The following TMEM217 variants were observed in gnomAD, a reference collection of about 807,000 sequenced individuals.
TMEM217 encodes chromosome 6 open reading frame 128.
For synonymous variants in TMEM217, 76 were observed against 88.3 expected, an observed-to-expected ratio of 0.86 and a Z score of 0.78; for missense variants, 204 against 248.8, an observed-to-expected ratio of 0.82 and a Z score of 1.21.
At chr6:37,239,322 CTACAA>C in intron 1 of TMEM217, among the ~76,000 whole-genome samples, 1 of 151,692 alleles carries the variant, frequency 6.6e-6, no homozygotes, top group African/African-American at 2.4e-5. Context: ...AAACCCATCT[CTACAA>C]AACATACAAA....
Position 37,257,667 on chromosome 6 carries a change from A to G in TMEM217, c.-111T>C, listed in dbSNP as rs974877008. On this transcript the variant is annotated 5_prime_UTR_variant, in exon 1 of 2. An upstream open reading frame in the 5' UTR loses its in-frame stop. Transcript: ENST00000357219. ...ACCTGTGTGCCCAGCCCCTGACGTT[A>G]CCGGTCGGCTTCAGCGGCCTGCAGG... 47 of 521,162 alleles carry G rather than the reference A, an allele frequency of 9.0e-5. No individual in the cohort carries two copies. The highest frequency in any genetic ancestry group is 3.6e-4 in the Admixed American group (10 of 27,772). 32.3% of individuals were successfully genotyped at this position (521,162 alleles called of 1,614,324 possible). A position where few individuals can be genotyped will look rare whatever the true frequency, so the allele number is the denominator to read the frequency against.
chr6:37,230,152 C>T (rs143509819), intron 1 of TMEM217, among the ~76,000 whole-genome samples: 26 of 152,352 alleles, frequency 1.7e-4, no homozygotes, highest in Admixed American at 5.9e-4. Flanking sequence ...GTCCTTCTCA[C>T]GCTTGGAATT....
downstream of TMEM217, among the ~76,000 whole-genome samples, chr6:37,214,036 G>T (rs529074974): frequency 6.6e-6 from 1 of 152,346 alleles, no homozygotes; most frequent in Admixed American, 6.5e-5. Context: ...GCCAGGCAGA[G>T]CACAGACAGG....
chr6:37,233,872 G>A (rs1764343869), intron 1 of TMEM217, among the ~76,000 whole-genome samples: 1 of 152,068 alleles, frequency 6.6e-6, no homozygotes, highest in Admixed American at 6.5e-5. Flanking sequence ...AAAGTGATAT[G>A]CATTCAGTAA....
At chr6:37,213,823 A>G (rs1046795524), downstream of TMEM217, among the ~76,000 whole-genome samples, 2 of 152,236 alleles carry the variant, frequency 1.3e-5, no homozygotes, top group African/African-American at 4.8e-5. Flanking sequence ...CTGGCTCCCA[A>G]TTCAGAGGAC....
chr6:37,241,488 G>A (rs887753587), intron 1 of TMEM217, among the ~76,000 whole-genome samples: 1 of 152,078 alleles, frequency 6.6e-6, no homozygotes, highest in Admixed American at 6.6e-5. Context: ...ACCTCAGTAA[G>A]GATTCCTACA....
At chr6:37,214,183 G>A (rs1583420901), downstream of TMEM217, among the ~76,000 whole-genome samples, 2 of 152,168 alleles carry the variant, frequency 1.3e-5, no homozygotes, top group African/African-American at 2.4e-5. Context: ...GTACATTCAC[G>A]TTGTCGTGCA....
At chr6:37,240,558 C>T (rs1764716451) in intron 1 of TMEM217, among the ~76,000 whole-genome samples, 1 of 151,982 alleles carries the variant, frequency 6.6e-6, no homozygotes, top group Non-Finnish European at 1.5e-5. Flanking sequence ...GAAGTGATAT[C>T]CATCACTTCA....
At chr6:37,215,829 G>A (rs1763172896), downstream of TMEM217, among the ~76,000 whole-genome samples, 1 of 152,078 alleles carries the variant, frequency 6.6e-6, no homozygotes, top group Non-Finnish European at 1.5e-5. Flanking sequence ...AACACAAAGG[G>A]GTAGGCACAG....
intron 1 of TMEM217, among the ~76,000 whole-genome samples, chr6:37,252,479 A>AACAT (rs1765454164): frequency 6.6e-6 from 1 of 151,742 alleles, no homozygotes; most frequent in South Asian, 2.1e-4. Flanking sequence ...ATACATACAT[A>AACAT]ACATACATAT....
intron 1 of TMEM217, among the ~76,000 whole-genome samples, chr6:37,241,927 G>A (rs1463649355): frequency 6.6e-6 from 1 of 151,666 alleles, no homozygotes; most frequent in African/African-American, 2.4e-5. Context: ...TGGCTTTATC[G>A]CGTTGTCTTT....
exon 2 of TMEM217, chr6:37,217,940 C>A (rs1207854799): frequency 2.0e-6 from 2 of 986,886 alleles, no homozygotes; most frequent in Non-Finnish European, 2.4e-6. Context: ...TCACAATATC[C>A]TTTAACTAAA....
intron 1 of TMEM217, among the ~76,000 whole-genome samples, chr6:37,252,631 ATATATATT>A (rs1400778420): frequency 5.6e-3 from 436 of 77,214 alleles, no homozygotes; most frequent in African/African-American, 0.012. Flanking sequence ...ATATATATAT[ATATATATT>A]TTTTTTTTTT....
intron 1 of TMEM217, among the ~76,000 whole-genome samples, chr6:37,229,348 T>TG (rs1562010357): frequency 7.7e-6 from 1 of 129,520 alleles, no homozygotes; most frequent in African/African-American, 3.1e-5. Context: ...TTTTTTTTTT[T>TG]TTTTTTTTTT....
chr6:37,212,934 G>C (rs201984268), downstream of TMEM217: 14 of 1,550,238 alleles, frequency 9.0e-6, no homozygotes, highest in African/African-American at 1.4e-5. Flanking sequence ...GGACAGAGAA[G>C]ATGCCCACCA....
intron 1 of TMEM217, among the ~76,000 whole-genome samples, chr6:37,220,555 T>TG (rs1177589474): frequency 6.6e-6 from 1 of 152,138 alleles, no homozygotes; most frequent in Non-Finnish European, 1.5e-5. Flanking sequence ...CTTTTTTTTT[T>TG]TGTAGATTTA....
chr6:37,256,270 A>G (rs1765720226), intron 1 of TMEM217, among the ~76,000 whole-genome samples: 1 of 152,182 alleles, frequency 6.6e-6, no homozygotes, highest in African/African-American at 2.4e-5. Context: ...GGAATCTAGA[A>G]GTTGTTTTAG....
At chr6:37,254,078 C>G (rs1003632097) in intron 1 of TMEM217, among the ~76,000 whole-genome samples, 3 of 152,150 alleles carry the variant, frequency 2.0e-5, no homozygotes, top group Non-Finnish European at 4.4e-5. Context: ...CAATCACAGG[C>G]CATACTGTAT....
At chr6:37,245,672 G>T (rs548966425) in intron 1 of TMEM217, among the ~76,000 whole-genome samples, 1 of 152,280 alleles carries the variant, frequency 6.6e-6, no homozygotes, top group East Asian at 1.9e-4. Flanking sequence ...CAGAACAACA[G>T]TGACAATAAG....
Sources: gnomAD v4.1 joint callset for allele counts (sites outside exome capture counted in the v4.1 genomes callset) on GRCh38, gnomAD v4.1.1 for gene constraint, MANE v1.5 for transcripts, NCBI Gene and HGNC (gene_info 2026-07-23, HGNC 2026-07-21) for gene names.